The following GLB1 variants were observed in gnomAD, a reference collection of about 807,000 sequenced individuals.
The protein encoded by GLB1 is beta-galactosidase.
In GLB1, 56 loss-of-function variants were observed where a neutral mutation model predicts 74.0. That is an observed-to-expected ratio of 0.76 (90% CI 0.61 to 0.94). The LOEUF is 0.94. Among genes scored for constraint, GLB1 ranks in the 40% least tolerant of loss-of-function variants. The pLI is 0.00. For missense variants in GLB1, 787 were observed against 845.5 expected, an observed-to-expected ratio of 0.93 and a Z score of 0.86; for synonymous variants, 323 against 323.6, an observed-to-expected ratio of 1.00 and a Z score of 0.02.
At chr3:33,010,983 A>G (rs1050983929) in intron 15 of GLB1, among the ~76,000 whole-genome samples, 2 of 152,038 alleles carry the variant, frequency 1.3e-5, no homozygotes, top group East Asian at 3.8e-4. Flanking sequence ...CAGTCTCCCA[A>G]GTAGCTGAGA....
chr3:33,065,559 T>C lies in GLB1; in HGVS notation c.458-2A>G. 1 of 1,568,702 alleles carries C rather than the reference T, an allele frequency of 6.4e-7. No individual in the cohort carries two copies. The highest frequency in any genetic ancestry group is 8.7e-7 in the Non-Finnish European group (1 of 1,154,004). Reference sequence around the variant, plus strand: ...ACTTGTCCACAGCTGCCAGGTAATCTGGAAAACAAGAAAAGTTTAACACAA... The same window carrying C: ...ACTTGTCCACAGCTGCCAGGTAATCCGGAAAACAAGAAAAGTTTAACACAA... On this transcript the variant is annotated splice_acceptor_variant, in intron 4 of 15. Transcript: ENST00000307363. LOFTEE classifies it high-confidence loss of function.
intron 1 of GLB1, among the ~76,000 whole-genome samples, chr3:33,081,182 A>C (rs780698303): frequency 2.0e-5 from 3 of 152,176 alleles, no homozygotes; most frequent in Non-Finnish European, 4.4e-5. Flanking sequence ...CATCCTATGA[A>C]TATCAGAGGC....
chr3:33,024,894 T>C lies in GLB1; in HGVS notation c.1069-569A>G, dbSNP rs184431185. 5.0e-3 allele frequency among the ~76,000 whole-genome samples: 751 copies of C among 151,608 alleles called. 3 individuals carry two copies. The highest frequency in any genetic ancestry group is 0.016 in the African/African-American group (665 of 41,348). On this transcript the variant is annotated intron_variant, in intron 10 of 15. Transcript: ENST00000307363. ...AAGTCTATGCACGAGTGATGAAGCATGTAGAGTAAAATGTTGACACAGATA... is the reference window on the plus strand; with the variant it reads ...AAGTCTATGCACGAGTGATGAAGCACGTAGAGTAAAATGTTGACACAGATA...
chr3:33,026,774 C>T (rs1697779884), intron 10 of GLB1, among the ~76,000 whole-genome samples: 2 of 152,156 alleles, frequency 1.3e-5, no homozygotes, highest in Admixed American at 6.5e-5. Flanking sequence ...GAGGATGGGA[C>T]AATCTACCCA....
chr3:33,028,939 A>G (rs1697891779), intron 10 of GLB1, among the ~76,000 whole-genome samples: 1 of 152,182 alleles, frequency 6.6e-6, no homozygotes, highest in Non-Finnish European at 1.5e-5. Context: ...CTGGGATTAC[A>G]GGCGTGAGCC....
At chr3:33,008,068 C>T (rs933244078) in intron 15 of GLB1, among the ~76,000 whole-genome samples, 8 of 152,188 alleles carry the variant, frequency 5.3e-5, no homozygotes, top group African/African-American at 1.4e-4. Context: ...TTGAGCAGAA[C>T]GCCTGGGTCA....
intron 1 of GLB1, chr3:33,092,529 G>C: frequency 3.5e-6 from 4 of 1,135,824 alleles, no homozygotes; most frequent in Non-Finnish European, 3.2e-6. Flanking sequence ...TTCATCCCTG[G>C]GAGCTCTGCA....
intron 14 of GLB1, 77 bp from the exon 15 acceptor site, chr3:33,014,387 AT>A (rs1697158249): frequency 7.0e-6 from 11 of 1,576,570 alleles, no homozygotes; most frequent in Non-Finnish European, 8.6e-6. Flanking sequence ...TTCCAGGGAA[AT>A]GGGAAAAGCA....
the GLB1 span, among the ~76,000 whole-genome samples, chr3:32,970,104 A>G: frequency 5.9e-5 from 9 of 152,252 alleles, no homozygotes; most frequent in South Asian, 2.1e-4. Flanking sequence ...GACTGCCTCT[A>G]ACTCTAAGAT....
chr3:33,037,798 C>G (rs1036874048), intron 10 of GLB1: 9 of 152,118 alleles, frequency 5.9e-5, no homozygotes, highest in Admixed American at 4.6e-4. Context: ...ATATTTAACT[C>G]TAGTTTGAAA....
chr3:33,017,924 G>A (rs1290303715), intron 13 of GLB1, among the ~76,000 whole-genome samples: 1 of 152,132 alleles, frequency 6.6e-6, no homozygotes, highest in Non-Finnish European at 1.5e-5. Context: ...GGGTAGGGTG[G>A]ATTTCAGCAA....
chr3:33,062,673 A>G (rs1437810112), intron 5 of GLB1, among the ~76,000 whole-genome samples: 1 of 152,124 alleles, frequency 6.6e-6, no homozygotes, highest in Non-Finnish European at 1.5e-5. Context: ...CTGTAGTCCC[A>G]GCTATTCAGG....
At chr3:33,056,497 T>C (rs1699229796) in intron 6 of GLB1, among the ~76,000 whole-genome samples, 1 of 151,960 alleles carries the variant, frequency 6.6e-6, no homozygotes, top group Non-Finnish European at 1.5e-5. Context: ...CACCGCAGCC[T>C]TGAACTCGTG....
chr3:33,023,331 A>C (rs1697582930), intron 11 of GLB1, among the ~76,000 whole-genome samples: 1 of 152,218 alleles, frequency 6.6e-6, no homozygotes, highest in Non-Finnish European at 1.5e-5. Flanking sequence ...AAGTCTGATT[A>C]ATCTAAAGAA....
chr3:33,094,184 G>A, intron 1 of GLB1: 1 of 1,601,154 alleles, frequency 6.2e-7, no homozygotes, highest in Middle Eastern at 1.7e-4. Flanking sequence ...ACAGCTGCCT[G>A]AAGATGGCCA....
intron 1 of GLB1, among the ~76,000 whole-genome samples, chr3:33,088,800 T>C (rs1045978035): frequency 1.3e-5 from 2 of 152,302 alleles, no homozygotes; most frequent in Middle Eastern, 3.4e-3. Flanking sequence ...AAAATTCATA[T>C]GGAATCTCAA....
chr3:33,039,766 G>A (rs1003434526), intron 10 of GLB1, among the ~76,000 whole-genome samples: 2 of 152,086 alleles, frequency 1.3e-5, no homozygotes, highest in Non-Finnish European at 2.9e-5. Flanking sequence ...CATAGATTTA[G>A]GAAGTTCAAA....
intron 6 of GLB1, 107 bp downstream of exon 6, chr3:33,057,982 G>A: frequency 2.1e-6 from 3 of 1,442,948 alleles, no homozygotes; most frequent in South Asian, 1.2e-5. Flanking sequence ...ATGAAAACAT[G>A]AAAAATCTCA....
At chr3:33,092,521 C>T in intron 1 of GLB1, 1 of 1,119,226 alleles carries the variant, frequency 8.9e-7, no homozygotes, top group Non-Finnish European at 1.1e-6. Context: ...AGGGGAGGTT[C>T]ATCCCTGGGA....
Sources: allele counts gnomAD v4.1 joint callset (sites outside exome capture counted in the v4.1 genomes callset), GRCh38; gene constraint gnomAD v4.1.1; transcripts MANE v1.5; gene names NCBI Gene and HGNC (gene_info 2026-07-23, HGNC 2026-07-21).